TMEM178B: variants seen among roughly 807,000 people sequenced by gnomAD.
TMEM178B encodes transmembrane protein 178B.
In TMEM178B, 5 loss-of-function variants were observed where a neutral mutation model predicts 31.0. The observed-to-expected ratio is 0.16, with a 90% CI of 0.08 to 0.34. The LOEUF is 0.34. Among genes scored for constraint, TMEM178B ranks in the 10% least tolerant of loss-of-function variants. TMEM178B has a pLI of 1.00. For synonymous variants in TMEM178B, 164 were observed against 164.0 expected (o/e 1.00, Z 0.00); for missense variants, 275 against 400.3 (o/e 0.69, Z 2.67).
chr7:141,248,335 TG>T (rs1410816209), intron 2 of TMEM178B, among the ~76,000 whole-genome samples: 2 of 152,116 alleles, frequency 1.3e-5, no homozygotes, highest in African/African-American at 4.8e-5. Context: ...CGCTTGAACC[TG>T]GGAGGCGGAG....
At chr7:141,468,833 G>A (rs1008126885) in intron 3 of TMEM178B, among the ~76,000 whole-genome samples, 3 of 152,168 alleles carry the variant, frequency 2.0e-5, no homozygotes, top group African/African-American at 4.8e-5. Context: ...AGTCTGTGGC[G>A]AAGTGCATAG....
intron 1 of TMEM178B, among the ~76,000 whole-genome samples, chr7:141,173,428 C>G (rs975929214): frequency 6.6e-6 from 1 of 152,130 alleles, no homozygotes; most frequent in Non-Finnish European, 1.5e-5. Flanking sequence ...GAGTCAGTTA[C>G]TCCCTGACCA....
chr7:141,133,403 C>G (rs1038456182), intron 1 of TMEM178B, among the ~76,000 whole-genome samples: 3 of 151,578 alleles, frequency 2.0e-5, no homozygotes, highest in Non-Finnish European at 2.9e-5. Flanking sequence ...AAAAAAGAAC[C>G]AAACAGACAT....
intron 1 of TMEM178B, among the ~76,000 whole-genome samples, chr7:141,152,290 C>T (rs1795988854): frequency 2.0e-5 from 3 of 152,074 alleles, no homozygotes; most frequent in South Asian, 4.2e-4. Flanking sequence ...TCCAGCCCAG[C>T]GTGGGTTGCT....
intron 2 of TMEM178B, among the ~76,000 whole-genome samples, chr7:141,385,415 G>A (rs1800414670): frequency 6.6e-6 from 1 of 152,004 alleles, no homozygotes; most frequent in Admixed American, 6.6e-5. Context: ...GGATTCTCAG[G>A]GATAGTCCAC....
chr7:141,119,604 G>T (rs986620107), intron 1 of TMEM178B, among the ~76,000 whole-genome samples: 32 of 152,160 alleles, frequency 2.1e-4, no homozygotes, highest in Admixed American at 1.4e-3. Context: ...AACATGCTTT[G>T]ATGTATTTTG....
intron 2 of TMEM178B, among the ~76,000 whole-genome samples, chr7:141,351,128 T>C (rs1013576220): frequency 6.6e-6 from 1 of 152,258 alleles, no homozygotes; most frequent in African/African-American, 2.4e-5. Context: ...TCTCCTTTGA[T>C]GTAGAAAGCC....
intron 2 of TMEM178B, among the ~76,000 whole-genome samples, chr7:141,270,064 C>CA (rs1176447274): frequency 6.6e-6 from 1 of 151,346 alleles, no homozygotes; most frequent in Non-Finnish European, 1.5e-5. Context: ...GACTCAGTCT[C>CA]AAAAAAACAA....
At chr7:141,442,661 C>G (rs906345737) in intron 3 of TMEM178B, among the ~76,000 whole-genome samples, 3 of 152,154 alleles carry the variant, frequency 2.0e-5, no homozygotes, top group South Asian at 2.1e-4. Context: ...CCTTGTAATC[C>G]CTTGTGGATG....
chr7:141,101,823 G>A (rs1795062949), intron 1 of TMEM178B, among the ~76,000 whole-genome samples: 1 of 151,998 alleles, frequency 6.6e-6, no homozygotes, highest in Admixed American at 6.6e-5. Context: ...CAGTGCAAAG[G>A]AATAATCGGA....
In TMEM178B at chr7:141,476,053, A is replaced by G. The variant is rs1802358885; in HGVS notation, c.*5267A>G. ...AATTGCAAAGTGATTTGCAAACATGAAGTGTCATATGAGTTATGTATGTTC... is the reference window on the plus strand; with the variant it reads ...AATTGCAAAGTGATTTGCAAACATGGAGTGTCATATGAGTTATGTATGTTC... On this transcript the variant is annotated 3_prime_UTR_variant, in exon 4 of 4. Coordinates refer to ENST00000565468, the MANE Select transcript of TMEM178B (RefSeq NM_001195278.2). The G allele has an allele frequency of 6.6e-6, 1 of 152,182 alleles. No individual in the cohort carries two copies. The highest frequency in any genetic ancestry group is 6.5e-5 in the Admixed American group (1 of 15,284). The allele number at this position is 152,182 out of a possible 1,614,324, so 9.4% of individuals were successfully genotyped here. A position where few individuals can be genotyped will look rare whatever the true frequency, so the allele number is the denominator to read the frequency against.
chr7:141,432,437 G>A (rs1302892356), intron 2 of TMEM178B, among the ~76,000 whole-genome samples: 1 of 152,160 alleles, frequency 6.6e-6, no homozygotes, highest in African/African-American at 2.4e-5. Flanking sequence ...TTACAGGCGT[G>A]AGCCACCACG....
intron 2 of TMEM178B, among the ~76,000 whole-genome samples, chr7:141,421,693 C>A (rs574500864): frequency 6.6e-6 from 1 of 152,124 alleles, no homozygotes; most frequent in Non-Finnish European, 1.5e-5. Flanking sequence ...TTAGAACATG[C>A]CTAGCACATC....
intron 1 of TMEM178B, among the ~76,000 whole-genome samples, chr7:141,125,086 T>TA (rs1319061689): frequency 2.6e-5 from 4 of 151,854 alleles, no homozygotes; most frequent in Admixed American, 6.6e-5. Flanking sequence ...GTCCAAGGAA[T>TA]AAAAAAAATG....
rs567431717 is a variant in TMEM178B at position 141,142,880 on chromosome 7, A to C, written c.382+68188A>C. On this transcript the variant is annotated intron_variant, in intron 1 of 3. Coordinates refer to ENST00000565468, the MANE Select transcript of TMEM178B (RefSeq NM_001195278.2). ...GTCTTTTCTCTGCAGCCTCTCCAGC[A>C]TCTGTTGCTTTTTGACTTTTTAATA... Among the ~76,000 whole-genome samples, 3 of 152,326 alleles carry C rather than the reference A, an allele frequency of 2.0e-5. No homozygotes were observed. In the East Asian group the frequency reaches 5.8e-4, roughly 29 times the overall value.
chr7:141,379,304 T>TAAA (rs571004013), intron 2 of TMEM178B, among the ~76,000 whole-genome samples: 56 of 128,530 alleles, frequency 4.4e-4, no homozygotes, highest in African/African-American at 1.5e-3. Flanking sequence ...CCTGTTTTTC[T>TAAA]AAAAAAAAAA....
chr7:141,454,962 G>A (rs1287979290), intron 3 of TMEM178B, among the ~76,000 whole-genome samples: 1 of 151,878 alleles, frequency 6.6e-6, no homozygotes, highest in Non-Finnish European at 1.5e-5. Flanking sequence ...CCATTCCCAA[G>A]GCAGAGGGCT....
chr7:141,357,297 C>T (rs1799836997), intron 2 of TMEM178B, among the ~76,000 whole-genome samples: 1 of 152,218 alleles, frequency 6.6e-6, no homozygotes, highest in African/African-American at 2.4e-5. Flanking sequence ...AGGTGTACAT[C>T]TTTACAAAAT....
chr7:141,264,503 G>A (rs1394289146), intron 2 of TMEM178B, among the ~76,000 whole-genome samples: 2 of 152,186 alleles, frequency 1.3e-5, no homozygotes, highest in Non-Finnish European at 1.5e-5. Flanking sequence ...GAGGGAGGGG[G>A]GTGAGGAAGT....
Sources: gnomAD v4.1 joint callset for allele counts (sites outside exome capture counted in the v4.1 genomes callset) on GRCh38, gnomAD v4.1.1 for gene constraint, MANE v1.5 for transcripts, NCBI Gene and HGNC (gene_info 2026-07-23, HGNC 2026-07-21) for gene names.